CNTN5: variants seen among roughly 807,000 people sequenced by gnomAD.
CNTN5 encodes the protein contactin 5.
In CNTN5, 77 loss-of-function variants were observed where a neutral mutation model predicts 129.1. The ratio of observed to expected loss-of-function variants is 0.60; its 90% CI spans 0.50 to 0.72. The LOEUF (loss-of-function observed/expected upper bound fraction) is 0.72, where lower values mean the gene tolerates loss of function less well. Among genes scored for constraint, CNTN5 ranks in the 30% least tolerant of loss-of-function variants. The pLI, the probability that CNTN5 is intolerant of heterozygous loss-of-function variation, is 0.00. For missense variants in CNTN5, 1,478 were observed against 1,328.8 expected, an observed-to-expected ratio of 1.11 and a Z score of -1.75; for synonymous variants, 509 against 465.6, an observed-to-expected ratio of 1.09 and a Z score of -1.20.
chr11:99,460,414 T>C (rs928244413), intron 2 of CNTN5, among the ~76,000 whole-genome samples: 4 of 151,930 alleles, frequency 2.6e-5, no homozygotes, highest in Non-Finnish European at 5.9e-5. Context: ...GTCCAAACAT[T>C]GTATTTTTCC....
At chr11:100,068,792 T>C (rs1943792496) in intron 10 of CNTN5, among the ~76,000 whole-genome samples, 1 of 152,286 alleles carries the variant, frequency 6.6e-6, no homozygotes, top group African/African-American at 2.4e-5. Flanking sequence ...CTGACTATGC[T>C]ATGCCAAAGT....
intron 3 of CNTN5, among the ~76,000 whole-genome samples, chr11:99,705,670 T>G (rs890208382): frequency 6.6e-6 from 1 of 151,376 alleles, no homozygotes; most frequent in African/African-American, 2.4e-5. Flanking sequence ...GACAGCATAT[T>G]TAGAGGTTAG....
intron 6 of CNTN5, among the ~76,000 whole-genome samples, chr11:99,906,323 T>A (rs1949505012): frequency 6.6e-6 from 1 of 152,154 alleles, no homozygotes; most frequent in Non-Finnish European, 1.5e-5. Context: ...AGTACCTAGC[T>A]TATTGAGAGT....
At chr11:99,176,213 A>T (rs1414645580) in intron 1 of CNTN5, among the ~76,000 whole-genome samples, 1 of 151,952 alleles carries the variant, frequency 6.6e-6, no homozygotes, top group East Asian at 1.9e-4. Flanking sequence ...AACATGAGCC[A>T]TTCTTTTTTT....
chr11:99,912,474 A>C (rs1277669446), intron 6 of CNTN5, among the ~76,000 whole-genome samples: 1 of 151,964 alleles, frequency 6.6e-6, no homozygotes, highest in African/African-American at 2.4e-5. Flanking sequence ...CTGCATAACC[A>C]GTACCTAACA....
intron 2 of CNTN5, among the ~76,000 whole-genome samples, chr11:99,457,117 A>G (rs1422155889): frequency 6.6e-6 from 1 of 152,010 alleles, no homozygotes; most frequent in Non-Finnish European, 1.5e-5. Context: ...GAATGAATGA[A>G]CATAGGTGTA....
chr11:99,240,148 T>A (rs1565429587), intron 1 of CNTN5, among the ~76,000 whole-genome samples: 1 of 152,172 alleles, frequency 6.6e-6, no homozygotes, highest in Non-Finnish European at 1.5e-5. Flanking sequence ...CCTAGTCTTT[T>A]ACATGGTGAA....
intron 3 of CNTN5, among the ~76,000 whole-genome samples, chr11:99,678,719 A>G (rs1378858036): frequency 6.6e-6 from 1 of 152,064 alleles, no homozygotes; most frequent in Non-Finnish European, 1.5e-5. Flanking sequence ...GTAAAAGGAT[A>G]AAGTCCTTTT....
chr11:99,437,719 A>G (rs1029348043), intron 2 of CNTN5, among the ~76,000 whole-genome samples: 43 of 152,290 alleles, frequency 2.8e-4, no homozygotes, highest in African/African-American at 9.1e-4. Flanking sequence ...GCTACTCAGG[A>G]GGCTGAGACA....
intron 1 of CNTN5, among the ~76,000 whole-genome samples, chr11:99,273,316 T>C (rs1430041465): frequency 6.6e-6 from 1 of 151,832 alleles, no homozygotes; most frequent in Admixed American, 6.6e-5. Flanking sequence ...TTATTTAACA[T>C]CTTCTAGACT....
At chr11:100,288,809 T>C (rs1192712003) in intron 18 of CNTN5, among the ~76,000 whole-genome samples, 3 of 152,046 alleles carry the variant, frequency 2.0e-5, no homozygotes, top group Admixed American at 6.5e-5. Context: ...CAAAAATTAA[T>C]GAATCCAGGA....
rs1183378558 is a variant in CNTN5 at position 99,844,955 on chromosome 11, C to A, written c.381C>A (p.Gly127=). Residue 127 remains glycine (G), a synonymous_variant, in exon 5 of 25, where the codon GGC becomes GGA. Transcript: ENST00000524871. ...KKVALNCEVR[G]NPVPSYRWLR... ...TAGCATTGAATTGTGAAGTTCGTGGCAATCCAGTTCCCAGTTACAGGTAGG... is the reference window on the plus strand; with the variant it reads ...TAGCATTGAATTGTGAAGTTCGTGGAAATCCAGTTCCCAGTTACAGGTAGG... The A allele has an allele frequency of 6.2e-7, 1 of 1,613,184 alleles. No individual in the cohort carries two copies. Among genetic ancestry groups the A allele is most frequent in the Non-Finnish European group, 8.5e-7 (1 of 1,179,700 alleles).
At chr11:99,282,995 C>A (rs968994400) in intron 1 of CNTN5, among the ~76,000 whole-genome samples, 2 of 152,048 alleles carry the variant, frequency 1.3e-5, no homozygotes, top group African/African-American at 4.8e-5. Context: ...TACAATTCAA[C>A]AGACGTATCA....
chr11:99,422,321 T>A (rs1942924007), intron 2 of CNTN5, among the ~76,000 whole-genome samples: 1 of 151,786 alleles, frequency 6.6e-6, no homozygotes, highest in South Asian at 2.1e-4. Flanking sequence ...TTGATTAGTA[T>A]CATTACACAT....
Position 99,133,615 on chromosome 11 carries a change from C to CAAAAAAAAAAAAAA in CNTN5, c.-210+112347_-210+112348insAAAAAAAAAAAAAA, listed in dbSNP as rs566769880. On this transcript the variant is annotated intron_variant, in intron 1 of 24. Coordinates refer to ENST00000524871, the MANE Select transcript of CNTN5 (RefSeq NM_014361.4). ...GCAAAGGATAGGAACAGACACTTCT[C>CAAAAAAAAAAAAAA]AAGAAAAAAAAAAGACCATACATGC... Among the ~76,000 whole-genome samples the CAAAAAAAAAAAAAA allele has an allele frequency of 1.8e-4, 19 of 105,998 alleles. 2 individuals carry two copies. The highest frequency in any genetic ancestry group is 2.6e-4 in the Non-Finnish European group (14 of 52,996). 69.5% of individuals were successfully genotyped at this position (105,998 alleles called of 152,430 possible).
chr11:99,113,018 C>T (rs971456248), intron 1 of CNTN5, among the ~76,000 whole-genome samples: 4 of 151,826 alleles, frequency 2.6e-5, no homozygotes, highest in Non-Finnish European at 4.4e-5. Context: ...TAAACTTTGC[C>T]TCAATAGTCA....
chr11:99,545,959 T>C (rs1243074643), intron 2 of CNTN5, among the ~76,000 whole-genome samples: 2 of 152,054 alleles, frequency 1.3e-5, no homozygotes, highest in Non-Finnish European at 2.9e-5. Context: ...TCTGTTCTCT[T>C]AAATTCTTCA....
intron 2 of CNTN5, among the ~76,000 whole-genome samples, chr11:99,462,201 T>G (rs1944726340): frequency 6.6e-6 from 1 of 152,148 alleles, no homozygotes; most frequent in Non-Finnish European, 1.5e-5. Flanking sequence ...CTGACTCTAT[T>G]TTTAAAATAC....
chr11:99,669,841 A>C (rs116934012), intron 3 of CNTN5, among the ~76,000 whole-genome samples: 6,242 of 152,200 alleles, frequency 0.041, 176 homozygotes, highest in South Asian at 0.094. Context: ...ACATTTTCTC[A>C]TTCAACACCC....
Sources: allele counts gnomAD v4.1 joint callset (sites outside exome capture counted in the v4.1 genomes callset), GRCh38; gene constraint gnomAD v4.1.1; transcripts MANE v1.5; gene names NCBI Gene and HGNC (gene_info 2026-07-23, HGNC 2026-07-21).